The following SHPRH variants were observed in gnomAD, a reference collection of about 807,000 sequenced individuals.
The protein encoded by SHPRH is SNF2 histone linker PHD RING helicase, also known as E3 ubiquitin-protein ligase SHPRH.
SHPRH carries 106 observed loss-of-function variants against 202.5 expected under a neutral mutation model. That is an observed-to-expected ratio of 0.52 (90% CI 0.45 to 0.62). The LOEUF (loss-of-function observed/expected upper bound fraction) is 0.62, where lower values mean the gene tolerates loss of function less well. SHPRH is among the 20% of genes least tolerant of loss of function. SHPRH has a pLI of 0.00. For missense variants in SHPRH, 1,710 were observed against 2,020.0 expected, an observed-to-expected ratio of 0.85 and a Z score of 2.94; for synonymous variants, 729 against 686.0, an observed-to-expected ratio of 1.06 and a Z score of -0.98.
At chr6:145,867,881 C>T (rs1468034135) in intron 2 of SHPRH, among the ~76,000 whole-genome samples, 1 of 151,910 alleles carries the variant, frequency 6.6e-6, no homozygotes, top group Non-Finnish European at 1.5e-5. Context: ...TGTTACAACA[C>T]TCACAGGAAT....
At chr6:145,936,392 C>G (rs1005970949) in intron 11 of SHPRH, among the ~76,000 whole-genome samples, 1 of 152,072 alleles carries the variant, frequency 6.6e-6, no homozygotes, top group African/African-American at 2.4e-5. Flanking sequence ...TGCAGTGGCA[C>G]CATCTTAGCT....
chr6:145,892,832 C>T (rs908901502), intron 28 of SHPRH, among the ~76,000 whole-genome samples: 2 of 151,884 alleles, frequency 1.3e-5, no homozygotes, highest in East Asian at 1.9e-4. Context: ...CTTTTAAACA[C>T]GGGACTACTT....
intron 8 of SHPRH, among the ~76,000 whole-genome samples, chr6:145,944,978 T>C (rs945755306): frequency 1.3e-5 from 2 of 152,138 alleles, no homozygotes; most frequent in African/African-American, 4.8e-5. Flanking sequence ...AGATGACAGC[T>C]TGGCACAGGA....
At chr6:145,891,253 T>C (rs1293089201) in intron 28 of SHPRH, among the ~76,000 whole-genome samples, 1 of 152,126 alleles carries the variant, frequency 6.6e-6, no homozygotes, top group African/African-American at 2.4e-5. Flanking sequence ...CTCCTTGCTA[T>C]TCTTCTAACA....
At chr6:145,906,460 C>T (rs1455695692) in intron 25 of SHPRH, 1 of 152,058 alleles carries the variant, frequency 6.6e-6, no homozygotes, top group Non-Finnish European at 1.5e-5. Flanking sequence ...ATCTTTTGTG[C>T]TCAATAGCCC....
intron 25 of SHPRH, among the ~76,000 whole-genome samples, chr6:145,899,124 T>C (rs1435283846): frequency 6.6e-6 from 1 of 152,096 alleles, no homozygotes; most frequent in Non-Finnish European, 1.5e-5. Context: ...GTAACTCCTT[T>C]TATTTATAAA....
At chr6:145,868,886 T>C (rs1396616889) in intron 2 of SHPRH, among the ~76,000 whole-genome samples, 4 of 152,216 alleles carry the variant, frequency 2.6e-5, no homozygotes, top group Non-Finnish European at 5.9e-5. Context: ...TATTGAATTA[T>C]AATTGTTTGC....
At chr6:145,874,002 C>T (rs1780182544) in intron 2 of SHPRH, among the ~76,000 whole-genome samples, 1 of 151,900 alleles carries the variant, frequency 6.6e-6, no homozygotes, top group Non-Finnish European at 1.5e-5. Context: ...AGTTCAAGAC[C>T]AGCCTGGCCA....
chr6:145,945,542 T>C lies in SHPRH; in HGVS notation c.1417A>G (p.Arg473Gly). Residue 473 changes from arginine to glycine, a missense_variant, in exon 8 of 30, where the codon AGA becomes GGA. Physicochemically the swap from Arg to Gly is moderately radical, Grantham distance 125 (BLOSUM62 -2). Transcript: ENST00000275233. The stretch of plus-strand genomic sequence containing the variant: ...CTCCTGTTCCGTTGAACATCGTATC[T>C]ATATATAGAACTGACATACTTATAG... ...SIYKYVSSIY[R>G]YDVQRNRSLL... 1 of 1,613,236 alleles carries C rather than the reference T, an allele frequency of 6.2e-7. No homozygotes were observed. Among genetic ancestry groups the C allele is most frequent in the Non-Finnish European group, 8.5e-7 (1 of 1,179,580 alleles).
chr6:145,888,975 T>C lies in SHPRH; in HGVS notation c.4875-875A>G, dbSNP rs192150930. Among the ~76,000 whole-genome samples the C allele has an allele frequency of 1.8e-3, 267 of 152,164 alleles. 1 individual carries two copies. The highest frequency in any genetic ancestry group is 6.2e-3 in the African/African-American group (258 of 41,524). On this transcript the variant is annotated intron_variant, in intron 28 of 29. Transcript: ENST00000275233. ...CAGATGACAGTGCCACATTATAAGA[T>C]GGGGAAAGCTCAGGGTGGGAGTGAG...
rs186942195 is a variant in SHPRH, at chr6:145,949,274, G to A, written c.983-924C>T. ...CACCCATGCTTACATGTTTATTGAA[G>A]TACAAATTCACAATTGCAAAGATAT... On this transcript the variant is annotated intron_variant, in intron 4 of 29. Transcript: ENST00000275233. Among the ~76,000 whole-genome samples, 162 of 152,080 alleles carry A rather than the reference G, an allele frequency of 1.1e-3. 1 individual carries two copies. Among genetic ancestry groups the A allele is most frequent in the Admixed American group, 4.3e-3 (65 of 15,256 alleles).
At position 145,948,330 on chromosome 6, in the gene SHPRH, A is replaced by G; in HGVS notation, c.1003T>C (p.Trp335Arg). ...CCCTCAGATGTAACAATCTCTCGCC[A>G]TAAGAAGTGCAGGGCACTTTCTAAA... ...PATESALHFL[W>R]REIVTSEGLK... The change falls in exon 5 of 30, where the codon TGG (tryptophan) becomes CGG (arginine). Residue 335 changes from tryptophan to arginine, a missense_variant. This residue lies in a region of SHPRH where 459 missense variants were observed against 426.5 expected (regional missense o/e 1.08). Transcript: ENST00000275233. The G allele has an allele frequency of 1.2e-6, 2 of 1,605,472 alleles. No individual in the cohort carries two copies. Among genetic ancestry groups the G allele is most frequent in the Non-Finnish European group, 1.7e-6 (2 of 1,175,522 alleles).
rs1582799490 is a variant in SHPRH at position 145,946,144 on chromosome 6, T to C, written c.1321+89A>G. 13 of 896,502 alleles carry C rather than the reference T, an allele frequency of 1.5e-5. No individual in the cohort carries two copies. The East Asian group carries it at 3.4e-4, about 23-fold the overall frequency. The allele number at this position is 896,502 out of a possible 1,614,324, so 55.5% of individuals were successfully genotyped here. A position where few individuals can be genotyped will look rare whatever the true frequency, so the allele number is the denominator to read the frequency against. On this transcript the variant is annotated intron_variant, in intron 7 of 29. Coordinates refer to ENST00000275233, the MANE Select transcript of SHPRH (RefSeq NM_001042683.3). Reference sequence around the variant, plus strand: ...ATATAACTGTAAAAACAATTGTTTATAACAATTACAAGATATCTCTAAGGA... The same window carrying C: ...ATATAACTGTAAAAACAATTGTTTACAACAATTACAAGATATCTCTAAGGA...
intron 11 of SHPRH, among the ~76,000 whole-genome samples, chr6:145,937,143 C>T (rs761866214): frequency 2.0e-5 from 3 of 152,022 alleles, no homozygotes; most frequent in Non-Finnish European, 4.4e-5. Flanking sequence ...GCCACCATGT[C>T]CAGCTAATTT....
intron 28 of SHPRH, among the ~76,000 whole-genome samples, chr6:145,891,429 T>C (rs2128713474): frequency 6.6e-6 from 1 of 152,232 alleles, no homozygotes; most frequent in Non-Finnish European, 1.5e-5. Flanking sequence ...AACATTGCAC[T>C]TTTACTTCCT....
chr6:145,880,258 AT>A (rs879759019), downstream of SHPRH, among the ~76,000 whole-genome samples: 5 of 152,176 alleles, frequency 3.3e-5, no homozygotes, highest in Admixed American at 1.3e-4. Context: ...GAAACATGGA[AT>A]AAATTCATTA....
At chr6:145,922,936 C>A (rs1582701480) in intron 18 of SHPRH, 100 bp from the exon 19 acceptor site, 2 of 1,261,842 alleles carry the variant, frequency 1.6e-6, no homozygotes, top group Non-Finnish European at 1.0e-6. Context: ...GTTAAAGAAA[C>A]TGTTTGCTGT....
intron 18 of SHPRH, 84 bp from the exon 19 acceptor site, chr6:145,922,920 CAA>C: frequency 2.2e-6 from 3 of 1,352,296 alleles, no homozygotes; most frequent in Non-Finnish European, 2.9e-6. Context: ...GGTTGCCAAA[CAA>C]AGTGTTAAAG....
At position 145,867,631 on chromosome 6, in the gene SHPRH, T is replaced by TATATATATAG. The variant is rs1554220329; in HGVS notation, c.222-3141_222-3140insCTATATATAT. ...ATATATATATATATATATATATATA[T>TATATATATAG]AGAGAGAGAGAGAGAGAGAGAGAGA... On this transcript the variant is annotated intron_variant, in intron 2 of 2. Transcript: ENST00000417762. Among the ~76,000 whole-genome samples, 31 of 22,312 alleles carry TATATATATAG rather than the reference T, an allele frequency of 1.4e-3. 1 individual carries two copies. The highest frequency in any genetic ancestry group is 2.1e-3 in the Non-Finnish European group (28 of 13,290). 14.6% of individuals were successfully genotyped at this position (22,312 alleles called of 152,430 possible).
Sources: allele counts gnomAD v4.1 joint callset (sites outside exome capture counted in the v4.1 genomes callset), GRCh38; gene constraint gnomAD v4.1.1; regional missense constraint gnomAD v4.1.1; transcripts MANE v1.5; gene names NCBI Gene and HGNC (gene_info 2026-07-23, HGNC 2026-07-21).